RNLS: variants seen among roughly 807,000 people sequenced by gnomAD.
RNLS encodes renalase, FAD dependent amine oxidase.
In RNLS, 39 loss-of-function variants were observed where a neutral mutation model predicts 39.8. That is an observed-to-expected ratio of 0.98 (90% CI 0.76 to 1.28). RNLS has a LOEUF of 1.28. Ranked by LOEUF, RNLS falls within the 50% of genes most tolerant of loss-of-function variation. RNLS has a pLI of 0.00. For missense variants in RNLS, 410 were observed against 413.3 expected, an observed-to-expected ratio of 0.99 and a Z score of 0.07; for synonymous variants, 147 against 150.7, an observed-to-expected ratio of 0.98 and a Z score of 0.18.
intron 4 of RNLS, among the ~76,000 whole-genome samples, chr10:88,524,939 TATATATATGGCACACACATAC>T (rs1329114832): frequency 2.8e-4 from 37 of 131,922 alleles, no homozygotes; most frequent in South Asian, 7.6e-4. Context: ...GCCATATATA[TATATATATGGCACACACATAC>T]ATATATATAT....
chr10:88,419,754 C>A (rs539776229), intron 4 of RNLS, among the ~76,000 whole-genome samples: 4 of 152,004 alleles, frequency 2.6e-5, no homozygotes, highest in Non-Finnish European at 5.9e-5. Flanking sequence ...CCTGTAATAC[C>A]GGCACTTTGA....
intron 4 of RNLS, among the ~76,000 whole-genome samples, chr10:88,468,928 T>C (rs1028401145): frequency 6.6e-6 from 1 of 152,164 alleles, no homozygotes; most frequent in Non-Finnish European, 1.5e-5. Context: ...GCCTTTGAGT[T>C]GTTAAATAAA....
intron 4 of RNLS, among the ~76,000 whole-genome samples, chr10:88,540,990 C>CA (rs34561003): frequency 0.036 from 4,753 of 131,908 alleles, 165 homozygotes; most frequent in Admixed American, 0.08. Flanking sequence ...TCCTTACTGC[C>CA]AAAAAAAAAA....
At chr10:88,228,189 T>C in the RNLS span, among the ~76,000 whole-genome samples, 1 of 152,216 alleles carries the variant, frequency 6.6e-6, no homozygotes, top group Non-Finnish European at 1.5e-5. Flanking sequence ...AACAAAACTC[T>C]TTTCCTCAAC....
intron 4 of RNLS, among the ~76,000 whole-genome samples, chr10:88,399,985 C>A (rs1852812222): frequency 6.6e-6 from 1 of 151,928 alleles, no homozygotes; most frequent in South Asian, 2.1e-4. Flanking sequence ...TGCCTTGTGG[C>A]TATTTCACTC....
intron 4 of RNLS, among the ~76,000 whole-genome samples, chr10:88,380,690 G>A (rs1851412005): frequency 6.6e-6 from 1 of 151,978 alleles, no homozygotes. Flanking sequence ...GGCCGGTTTT[G>A]TGTCTTTTTT....
At chr10:88,512,067 C>A (rs1354691485) in intron 4 of RNLS, among the ~76,000 whole-genome samples, 4 of 152,062 alleles carry the variant, frequency 2.6e-5, no homozygotes, top group Admixed American at 2.6e-4. Context: ...TAAATGAATT[C>A]AAATGAGTCA....
intron 4 of RNLS, among the ~76,000 whole-genome samples, chr10:88,389,340 CT>C (rs984105010): frequency 2.0e-5 from 3 of 151,780 alleles, no homozygotes; most frequent in African/African-American, 7.3e-5. Context: ...TTGTTGTTTT[CT>C]TTTTTTGACA....
At chr10:88,306,394 T>A (rs924870738) in intron 6 of RNLS, among the ~76,000 whole-genome samples, 1 of 151,996 alleles carries the variant, frequency 6.6e-6, no homozygotes, top group African/African-American at 2.4e-5. Flanking sequence ...CAGGAGCTGT[T>A]TTCTGGAAAA....
the RNLS span, among the ~76,000 whole-genome samples, chr10:88,220,485 A>G: frequency 6.6e-6 from 1 of 152,244 alleles, no homozygotes; most frequent in Non-Finnish European, 1.5e-5. Flanking sequence ...TAACTTTATT[A>G]TTAAATGACA....
intron 4 of RNLS, among the ~76,000 whole-genome samples, chr10:88,429,131 A>G (rs1341601719): frequency 6.6e-6 from 1 of 151,954 alleles, no homozygotes; most frequent in Non-Finnish European, 1.5e-5. Context: ...AAACAGGAGA[A>G]AAACAACCAG....
the RNLS span, among the ~76,000 whole-genome samples, chr10:88,203,505 A>G: frequency 7.2e-6 from 1 of 139,274 alleles, no homozygotes; most frequent in Non-Finnish European, 1.5e-5. Context: ...TCAAGAGAGA[A>G]ACTCCTAAAC....
intron 4 of RNLS, among the ~76,000 whole-genome samples, chr10:88,430,414 T>C (rs973183365): frequency 1.3e-5 from 2 of 151,874 alleles, no homozygotes; most frequent in Non-Finnish European, 2.9e-5. Context: ...ATTTTCTATA[T>C]AGACACTTGT....
At chr10:88,525,202 C>T (rs995663859) in intron 4 of RNLS, among the ~76,000 whole-genome samples, 3 of 151,308 alleles carry the variant, frequency 2.0e-5, no homozygotes, top group Non-Finnish European at 4.4e-5. Flanking sequence ...ATACCCTATC[C>T]CATACAAATC....
intron 5 of RNLS, among the ~76,000 whole-genome samples, chr10:88,319,547 G>A (rs1178120997): frequency 6.6e-6 from 1 of 151,760 alleles, no homozygotes; most frequent in East Asian, 1.9e-4. Context: ...AACAATTCAG[G>A]CTATAAAAGA....
chr10:88,412,003 A>G (rs1853687004), intron 4 of RNLS, among the ~76,000 whole-genome samples: 1 of 152,128 alleles, frequency 6.6e-6, no homozygotes, highest in Admixed American at 6.6e-5. Flanking sequence ...AGCCTGGGTC[A>G]CATCAGGTTT....
intron 6 of RNLS, among the ~76,000 whole-genome samples, chr10:88,294,734 T>G (rs921640771): frequency 6.6e-6 from 1 of 152,134 alleles, no homozygotes; most frequent in Admixed American, 6.6e-5. Flanking sequence ...TATCTATTAC[T>G]CCACTGTATA....
intron 4 of RNLS, among the ~76,000 whole-genome samples, chr10:88,457,616 G>T (rs1842703028): frequency 6.6e-6 from 1 of 152,106 alleles, no homozygotes; most frequent in African/African-American, 2.4e-5. Context: ...AGGATTTAGG[G>T]TTTATGAGGT....
the RNLS span, among the ~76,000 whole-genome samples, chr10:88,234,999 A>C: frequency 6.6e-5 from 10 of 151,934 alleles, no homozygotes; most frequent in South Asian, 2.1e-4. Flanking sequence ...CGGTGGCTCA[A>C]GCCTGTAATC....
Sources: gnomAD v4.1 joint callset for allele counts (sites outside exome capture counted in the v4.1 genomes callset) on GRCh38, gnomAD v4.1.1 for gene constraint, MANE v1.5 for transcripts, NCBI Gene and HGNC (gene_info 2026-07-23, HGNC 2026-07-21) for gene names.